Variants in NOXO1 observed in about 807,000 individuals in gnomAD.
The protein encoded by NOXO1 is NADPH oxidase organizer 1.
A neutral mutation model predicts 33.3 loss-of-function variants in NOXO1; 38 were observed. That is an observed-to-expected ratio of 1.14 (90% CI 0.88 to 1.50). NOXO1 has a LOEUF of 1.50. Ranked by LOEUF, NOXO1 falls within the 40% of genes most tolerant of loss-of-function variation. The probability of loss-of-function intolerance (pLI) is 0.00; values close to 1 mark genes in which losing one functional copy is unlikely to be tolerated. For missense variants in NOXO1, 675 were observed against 527.1 expected (o/e 1.28, Z -2.75); for synonymous variants, 302 against 237.3 (o/e 1.27, Z -2.51).
At position 1,980,539 on chromosome 16, in the gene NOXO1, G is replaced by C. The variant is rs1384072360; in HGVS notation, c.229C>G (p.Pro77Ala). 4.4e-6 allele frequency: 7 copies of C among 1,603,604 alleles called. No homozygotes were observed. The Admixed American group carries it at 5.0e-5, about 12-fold the overall frequency. Residue 77 changes from proline (P) to alanine (A), a missense_variant, in exon 4 of 8, where the codon CCA (proline) becomes GCA (alanine). Physicochemically the swap from Pro to Ala is conservative, Grantham distance 27. Coordinates refer to ENST00000356120, the MANE Select transcript of NOXO1 (RefSeq NM_172167.3). ...GTGCGCCCCACGCGTCCCAACAGTG[G>C]TGCATCTTAAGGCACCACAAAAACG... Reference protein sequence around the residue: ...DRVLPKLLDAPLLGRVGRTSR... With the variant: ...DRVLPKLLDAALLGRVGRTSR...
chr16:1,980,659 G>A lies in NOXO1; in HGVS notation c.220C>T (p.Leu74Phe). Reference protein sequence around the residue: ...RRSDRVLPKLLDAPLLGRVGR... With the variant: ...RRSDRVLPKLFDAPLLGRVGR... The stretch of plus-strand genomic sequence containing the variant: ...CCCGTACCCAGGCTGGCCTGACCGA[G>A]AAGCTTTGGGAGAACGCGGTCAGAT... The change falls in exon 3 of 8, where the codon CTC (leucine) becomes TTC (phenylalanine). Residue 74 changes from leucine to phenylalanine, a missense_variant. By Grantham distance (22) the Leu-to-Phe change is conservative. Transcript: ENST00000356120. 2 of 1,605,958 alleles carry A rather than the reference G, an allele frequency of 1.2e-6. No homozygotes were observed. Among genetic ancestry groups the A allele is most frequent in the Non-Finnish European group, 1.7e-6 (2 of 1,176,460 alleles).
In NOXO1 at chr16:1,979,354, G is replaced by T. The variant is rs956125841; in HGVS notation, c.819-5C>A. 12 of 1,581,494 alleles carry T rather than the reference G, an allele frequency of 7.6e-6. No individual in the cohort carries two copies. Among genetic ancestry groups the T allele is most frequent in the Middle Eastern group, 1.7e-4 (1 of 5,930 alleles). On this transcript the variant is annotated splice_polypyrimidine_tract_variant and splice_region_variant and intron_variant, in intron 7 of 7. Transcript: ENST00000356120. Reference sequence around the variant, plus strand: ...AGGCCCGCCCGGTCGCCGTACCTGCGAGGGGCGGGGTGTGGTTAGGGCCCC... The same window carrying T: ...AGGCCCGCCCGGTCGCCGTACCTGCTAGGGGCGGGGTGTGGTTAGGGCCCC...
At position 1,980,680 on chromosome 16, in the gene NOXO1, C is replaced by A; in HGVS notation, c.199G>T (p.Asp67Tyr). Residue 67 changes from aspartate to tyrosine, a missense_variant, in exon 3 of 8, where the codon GAC (aspartate) becomes TAC (tyrosine). By Grantham distance (160) the Asp-to-Tyr change is radical (BLOSUM62 -3). Coordinates refer to ENST00000356120, the MANE Select transcript of NOXO1 (RefSeq NM_172167.3). Reference sequence around the variant, plus strand: ...CCGAGAAGCTTTGGGAGAACGCGGTCAGATCTCCGCAGCAGGCCCGCCTCC... The same window carrying A: ...CCGAGAAGCTTTGGGAGAACGCGGTAAGATCTCCGCAGCAGGCCCGCCTCC... ...PVEAGLLRRS[D>Y]RVLPKLLDAP... 6.2e-7 allele frequency: 1 copy of A among 1,606,982 alleles called. No individual in the cohort carries two copies. Among genetic ancestry groups the A allele is most frequent in the Non-Finnish European group, 8.5e-7 (1 of 1,177,166 alleles).
intron 6 of NOXO1, 110 bp downstream of exon 6, chr16:1,979,680 C>T: frequency 1.7e-6 from 2 of 1,174,514 alleles, no homozygotes; most frequent in South Asian, 1.5e-5. Flanking sequence ...CCTCTAGGTG[C>T]GGAGACCAAG....
Position 1,979,456 on chromosome 16 carries a change from C to G in NOXO1, c.787G>C (p.Glu263Gln). 1.2e-6 allele frequency: 2 copies of G among 1,611,334 alleles called. No individual in the cohort carries two copies. Among genetic ancestry groups the G allele is most frequent in the South Asian group, 1.1e-5 (1 of 90,942 alleles). ...VPAGARVRVL[E>Q]TSDRGWWLCR... Reference sequence around the variant, plus strand: ...AGCCACCAGCCGCGGTCTGACGTTTCCAACACGCGCACGCGCGCCCCCGCG... The same window carrying G: ...AGCCACCAGCCGCGGTCTGACGTTTGCAACACGCGCACGCGCGCCCCCGCG... Residue 263 changes from glutamate to glutamine, a missense_variant, in exon 7 of 8, where the codon GAA (glutamate) becomes CAA (glutamine). Transcript: ENST00000356120.
Position 1,980,190 on chromosome 16 carries a change from G to A in NOXO1, c.402-9C>T, listed in dbSNP as rs1408039172. Reference sequence around the variant, plus strand: ...TGGGCAGGATCACCCGGCTGGGAAGGGCAGCCCGTACGAGTGAGAGGTAGG... The same window carrying A: ...TGGGCAGGATCACCCGGCTGGGAAGAGCAGCCCGTACGAGTGAGAGGTAGG... On this transcript the variant is annotated splice_polypyrimidine_tract_variant and intron_variant, in intron 4 of 7. Coordinates refer to ENST00000356120, the MANE Select transcript of NOXO1 (RefSeq NM_172167.3). 1 of 1,593,964 alleles carries A rather than the reference G, an allele frequency of 6.3e-7. No homozygotes were observed. Among genetic ancestry groups the A allele is most frequent in the Non-Finnish European group, 8.5e-7 (1 of 1,173,438 alleles).
chr16:1,980,607 C>T, intron 3 of NOXO1, 49 bp downstream of exon 3: 4 of 1,590,664 alleles, frequency 2.5e-6, no homozygotes, highest in Non-Finnish European at 3.4e-6. Flanking sequence ...CCCTGGCGCC[C>T]CCAGGCAAGC....
At position 1,981,223 on chromosome 16, in the gene NOXO1, C is replaced by A. The variant is rs368391684; in HGVS notation, c.-44G>T. 6.2e-7 allele frequency: 1 copy of A among 1,611,670 alleles called. No individual in the cohort carries two copies. Among genetic ancestry groups the A allele is most frequent in the South Asian group, 1.1e-5 (1 of 90,954 alleles). On this transcript the variant is annotated 5_prime_UTR_variant, in exon 1 of 8. Coordinates refer to ENST00000356120, the MANE Select transcript of NOXO1 (RefSeq NM_172167.3). ...GCAGATTCCTGAAATGGGCGAGGAC[C>A]CTTCTGCCTCCCCGTGCTTGAGAGG... is the stretch of plus-strand genomic sequence containing the variant.
Position 1,979,459 on chromosome 16 carries a change from A to C in NOXO1, c.784T>G (p.Leu262Val). The C allele has an allele frequency of 1.9e-6, 3 of 1,611,364 alleles. No individual in the cohort carries two copies. The highest frequency in any genetic ancestry group is 2.5e-6 in the Non-Finnish European group (3 of 1,179,478). ...CACCAGCCGCGGTCTGACGTTTCCAACACGCGCACGCGCGCCCCCGCGGGC... is the reference window on the plus strand; with the variant it reads ...CACCAGCCGCGGTCTGACGTTTCCACCACGCGCACGCGCGCCCCCGCGGGC... ...SVPAGARVRV[L>V]ETSDRGWWLC... Residue 262 changes from leucine to valine, a missense_variant, in exon 7 of 8, where the codon TTG (leucine) becomes GTG (valine). Transcript: ENST00000356120.
chr16:1,979,523 G>C lies in NOXO1; in HGVS notation c.720C>G (p.Ser240=), dbSNP rs150628810. The C allele has an allele frequency of 6.2e-7, 1 of 1,611,112 alleles. No individual in the cohort carries two copies. The highest frequency in any genetic ancestry group is 1.7e-5 in the Admixed American group (1 of 59,860). The part of the protein sequence containing the change: ...LGSSGPQFCA[S]RAYESSRADE... Reference sequence around the variant, plus strand: ...CTGCGCGGCTGCTCTCGTAGGCGCGGGAAGCACAGAACTGGGGACCTGGTG... The same window carrying C: ...CTGCGCGGCTGCTCTCGTAGGCGCGCGAAGCACAGAACTGGGGACCTGGTG... The change falls in exon 7 of 8, where the codon TCC becomes TCG. Residue 240 remains serine, a synonymous_variant. Coordinates refer to ENST00000356120, the MANE Select transcript of NOXO1 (RefSeq NM_172167.3).
At position 1,980,671 on chromosome 16, in the gene NOXO1, G is replaced by A. The variant is rs1225439140; in HGVS notation, c.208C>T (p.Leu70Phe). The A allele has an allele frequency of 1.2e-6, 2 of 1,607,074 alleles. No individual in the cohort carries two copies. The highest frequency in any genetic ancestry group is 2.2e-5 in the South Asian group (2 of 90,020). ...CTGGCCTGACCGAGAAGCTTTGGGA[G>A]AACGCGGTCAGATCTCCGCAGCAGG... is the stretch of plus-strand genomic sequence containing the variant. Reference protein sequence around the residue: ...AGLLRRSDRVLPKLLDAPLLG... With the variant: ...AGLLRRSDRVFPKLLDAPLLG... The change falls in exon 3 of 8, where the codon CTC becomes TTC. Residue 70 changes from leucine (L) to phenylalanine (F), a missense_variant. Leu to Phe is a conservative substitution (Grantham distance 22). Transcript: ENST00000356120.
At position 1,980,011 on chromosome 16, in the gene NOXO1, A is replaced by G. The variant is rs777345126; in HGVS notation, c.572T>C (p.Leu191Pro). ...AQAQESLDVL[L>P]RHPSGWWLVE... Reference sequence around the variant, plus strand: ...GGGGGCCCTACCTGAGGGGTGCCGCAGCAGCACGTCCAGGCTCTCCTGGGC... The same window carrying G: ...GGGGGCCCTACCTGAGGGGTGCCGCGGCAGCACGTCCAGGCTCTCCTGGGC... The change falls in exon 5 of 8, where the codon CTG becomes CCG. Residue 191 changes from leucine (L) to proline (P), a missense_variant. Physicochemically the swap from Leu to Pro is moderately conservative, Grantham distance 98. Transcript: ENST00000356120. 16 of 1,604,974 alleles carry G rather than the reference A, an allele frequency of 1.0e-5. No individual in the cohort carries two copies. The highest frequency in any genetic ancestry group is 1.8e-4 in the Middle Eastern group (1 of 5,674).
Position 1,978,997 on chromosome 16 carries a change from G to C in NOXO1, c.*55C>G. The C allele has an allele frequency of 1.4e-6, 2 of 1,476,054 alleles. No individual in the cohort carries two copies. Among genetic ancestry groups the C allele is most frequent in the Non-Finnish European group, 1.8e-6 (2 of 1,111,370 alleles). 91.4% of individuals were successfully genotyped at this position (1,476,054 alleles called of 1,614,324 possible). A position where few individuals can be genotyped will look rare whatever the true frequency, so the allele number is the denominator to read the frequency against. On this transcript the variant is annotated 3_prime_UTR_variant, in exon 8 of 8. Transcript: ENST00000356120. ...CTGGCCAGGGAGATCCGCCCTCCCC[G>C]CTCCTCCCCAGCCCTGGGATGGCGC...
chr16:1,979,704 C>G, intron 6 of NOXO1, 86 bp downstream of exon 6: 1 of 1,252,276 alleles, frequency 8.0e-7, no homozygotes, highest in African/African-American at 1.5e-5. Flanking sequence ...GGGCTCCTGG[C>G]CCGCCCTGCC....
At chr16:1,980,256 A>G (rs1366285289) in intron 4 of NOXO1, 75 bp from the exon 5 acceptor site, 1 of 1,520,746 alleles carries the variant, frequency 6.6e-7, no homozygotes, top group African/African-American at 1.4e-5. Context: ...CCCCGGCAAG[A>G]CCGCCAGCCT....
chr16:1,979,064 C>T lies in NOXO1; in HGVS notation c.1104G>A (p.Thr368=), dbSNP rs778192244. The T allele has an allele frequency of 3.2e-6, 5 of 1,544,650 alleles. No homozygotes were observed. Among genetic ancestry groups the T allele is most frequent in the Admixed American group, 3.9e-5 (2 of 50,860 alleles). The change falls in exon 8 of 8, where the codon ACG becomes ACA. Residue 368 remains threonine (T), a synonymous_variant. Transcript: ENST00000356120. The stretch of plus-strand genomic sequence containing the variant: ...GGGATCCTCGCGCTCACTGCTCCGT[C>T]GTGGGGTGCGGCACAGAGTCCACGC... ...RGCVDSVPHP[T]TEQ is the part of the protein sequence containing the mutation.
Position 1,980,979 on chromosome 16 carries a change from G to A in NOXO1, c.107C>T (p.Thr36Ile). Reference sequence around the variant, plus strand: ...TTCGTCCCAACTCCTGCGCACGAAGGTGTCGCTGCCGTCTGACCAGCGCAC... The same window carrying A: ...TTCGTCCCAACTCCTGCGCACGAAGATGTCGCTGCCGTCTGACCAGCGCAC... ...FSVRWSDGSD[T>I]FVRRSWDEFR... The change falls in exon 2 of 8, where the codon ACC (threonine) becomes ATC (isoleucine). Residue 36 changes from threonine (T) to isoleucine (I), a missense_variant. By Grantham distance (89) the Thr-to-Ile change is moderately conservative. Coordinates refer to ENST00000356120, the MANE Select transcript of NOXO1 (RefSeq NM_172167.3). 2 of 1,613,250 alleles carry A rather than the reference G, an allele frequency of 1.2e-6. No homozygotes were observed. Among genetic ancestry groups the A allele is most frequent in the Non-Finnish European group, 1.7e-6 (2 of 1,180,026 alleles).
Position 1,979,202 on chromosome 16 carries a change from A to C in NOXO1, c.966T>G (p.Pro322=). The part of the protein sequence containing the change: ...GFPEPSQATA[P]PPTVPTRPSP... The stretch of plus-strand genomic sequence containing the variant: ...AAGGTCGGGTGGGCACGGTGGGGGG[A>C]GGGGCGGTGGCCTGGGAGGGTTCAG... Residue 322 remains proline, a synonymous_variant, in exon 8 of 8, where the codon CCT becomes CCG. Transcript: ENST00000356120. 7.8e-7 allele frequency: 1 copy of C among 1,275,672 alleles called. No individual in the cohort carries two copies. Among genetic ancestry groups the C allele is most frequent in the Non-Finnish European group, 1.0e-6 (1 of 956,518 alleles). The allele number at this position is 1,275,672 out of a possible 1,614,324, so 79.0% of individuals were successfully genotyped here.
In NOXO1 at chr16:1,980,689, G is replaced by A. The variant is rs34505807; in HGVS notation, c.190C>T (p.Arg64Trp). The A allele has an allele frequency of 2.8e-4, 452 of 1,606,790 alleles. 3 individuals carry two copies. The African/African-American group carries it at 5.6e-3, about 20-fold the overall frequency. ...ETFPVEAGLL[R>W]RSDRVLPKLL... ...TTTGGGAGAACGCGGTCAGATCTCC[G>A]CAGCAGGCCCGCCTCCACCGGGAAG... The change falls in exon 3 of 8, where the codon CGG becomes TGG. Residue 64 changes from arginine to tryptophan, a missense_variant. Physicochemically the swap from Arg to Trp is moderately radical, Grantham distance 101 (BLOSUM62 -3). Transcript: ENST00000356120.
Sources: gnomAD v4.1 joint callset for allele counts on GRCh38, gnomAD v4.1.1 for gene constraint, MANE v1.5 for transcripts, NCBI Gene and HGNC (gene_info 2026-07-23, HGNC 2026-07-21) for gene names.